The following PDE4B variants were observed in gnomAD, a reference collection of about 807,000 sequenced individuals.
PDE4B encodes 3',5'-cyclic-AMP phosphodiesterase 4B.
Under a neutral mutation model 82.2 loss-of-function variants are expected in PDE4B, and 20 were observed. The ratio of observed to expected loss-of-function variants is 0.24; its 90% CI spans 0.17 to 0.35. PDE4B has a LOEUF of 0.35. Among genes scored for constraint, PDE4B ranks in the 10% least tolerant of loss-of-function variants. The probability of loss-of-function intolerance (pLI) is 1.00; values close to 1 mark genes in which losing one functional copy is unlikely to be tolerated. For missense variants in PDE4B, 655 were observed against 907.2 expected, an observed-to-expected ratio of 0.72 and a Z score of 3.57; for synonymous variants, 320 against 318.9, an observed-to-expected ratio of 1.00 and a Z score of -0.04.
intron 3 of PDE4B, among the ~76,000 whole-genome samples, chr1:66,083,684 T>A (rs1038132101): frequency 7.2e-5 from 11 of 152,158 alleles, no homozygotes; most frequent in Admixed American, 6.6e-4. Context: ...CCTCATTCTA[T>A]CAATACAAAA....
chr1:65,985,199 A>G (rs937510518), intron 3 of PDE4B, among the ~76,000 whole-genome samples: 3 of 152,176 alleles, frequency 2.0e-5, no homozygotes, highest in African/African-American at 7.2e-5. Context: ...TAGTAGTAAA[A>G]TATTAATTTA....
At chr1:66,021,814 T>C (rs555736985) in intron 3 of PDE4B, among the ~76,000 whole-genome samples, 1 of 152,342 alleles carries the variant, frequency 6.6e-6, no homozygotes, top group Admixed American at 6.5e-5. Context: ...TGGTTCCATA[T>C]GAACTTTAAA....
intron 7 of PDE4B, among the ~76,000 whole-genome samples, chr1:66,296,024 T>G (rs1657485816): frequency 6.6e-6 from 1 of 152,060 alleles, no homozygotes; most frequent in Non-Finnish European, 1.5e-5. Context: ...CAATTCCCCT[T>G]TGTTCATCAG....
At chr1:65,936,725 C>T (rs1034358490) in intron 3 of PDE4B, among the ~76,000 whole-genome samples, 3 of 152,126 alleles carry the variant, frequency 2.0e-5, no homozygotes, top group East Asian at 3.9e-4. Context: ...TGGGAACTAT[C>T]GGCCTAGATT....
chr1:66,335,990 A>G (rs1019348614), intron 8 of PDE4B, among the ~76,000 whole-genome samples: 2 of 152,262 alleles, frequency 1.3e-5, no homozygotes, highest in Non-Finnish European at 2.9e-5. Flanking sequence ...TTTTGAAAAC[A>G]GGATGCTTTG....
At chr1:66,180,824 TGAGA>T (rs148176576) in intron 3 of PDE4B, among the ~76,000 whole-genome samples, 1 of 150,698 alleles carries the variant, frequency 6.6e-6, no homozygotes, top group Non-Finnish European at 1.5e-5. Context: ...CTCTGTGGAC[TGAGA>T]GAGAGAGAGA....
At chr1:65,918,027 T>C (rs1647182523) in intron 2 of PDE4B, among the ~76,000 whole-genome samples, 1 of 151,940 alleles carries the variant, frequency 6.6e-6, no homozygotes. Flanking sequence ...AGCCGGGCGT[T>C]GTGGTGTGTG....
intron 1 of PDE4B, among the ~76,000 whole-genome samples, chr1:65,901,115 T>A (rs776058073): frequency 4.6e-5 from 7 of 152,110 alleles, no homozygotes; most frequent in Non-Finnish European, 8.8e-5. Context: ...CTTATTATTT[T>A]GAGGGTATGT....
intron 3 of PDE4B, among the ~76,000 whole-genome samples, chr1:66,226,988 G>T (rs1203732657): frequency 6.6e-6 from 1 of 152,198 alleles, no homozygotes; most frequent in Non-Finnish European, 1.5e-5. Context: ...AACAGGACTT[G>T]CTGATGTATT....
rs749465356 is a variant in PDE4B, at chr1:66,372,681, C to A, written c.*3C>A. 1 of 1,607,204 alleles carries A rather than the reference C, an allele frequency of 6.2e-7. No individual in the cohort carries two copies. Among genetic ancestry groups the A allele is most frequent in the African/African-American group, 1.3e-5 (1 of 74,702 alleles). On this transcript the variant is annotated 3_prime_UTR_variant, in exon 17 of 17. Transcript: ENST00000341517. Reference sequence around the variant, plus strand: ...ACAAGTCCCCCGTGGATACATAATCCCCCTCTCCCTGTGGAGATGAACATT... The same window carrying A: ...ACAAGTCCCCCGTGGATACATAATCACCCTCTCCCTGTGGAGATGAACATT...
chr1:66,312,991 G>A (rs1658773698), intron 7 of PDE4B, among the ~76,000 whole-genome samples: 2 of 152,188 alleles, frequency 1.3e-5, no homozygotes, highest in African/African-American at 4.8e-5. Flanking sequence ...TCTGCTTCAT[G>A]TTTTAATTAC....
At chr1:65,936,226 C>T (rs1648129050) in intron 3 of PDE4B, among the ~76,000 whole-genome samples, 1 of 152,050 alleles carries the variant, frequency 6.6e-6, no homozygotes, top group Non-Finnish European at 1.5e-5. Context: ...ACAATGCCTT[C>T]TTCTGGAATA....
At position 66,017,162 on chromosome 1, in the gene PDE4B, T is replaced by C. The variant is rs185441345; in HGVS notation, c.281+98327T>C. On this transcript the variant is annotated intron_variant, in intron 3 of 16. Coordinates refer to ENST00000341517, the MANE Select transcript of PDE4B (RefSeq NM_002600.4). ...TGATGTCTTCTTTCAGACTGTTGAA[T>C]ATTAGAGCAAACATTTGAGAGCAGA... Among the ~76,000 whole-genome samples the C allele has an allele frequency of 1.7e-3, 253 of 152,356 alleles. 2 individuals are homozygous for C. The highest frequency in any genetic ancestry group is 3.0e-3 in the Non-Finnish European group (201 of 68,040).
At chr1:65,976,769 T>A (rs1040569082) in intron 3 of PDE4B, among the ~76,000 whole-genome samples, 10 of 152,200 alleles carry the variant, frequency 6.6e-5, no homozygotes, top group Admixed American at 6.5e-4. Context: ...AAGACGTGCT[T>A]GCTTCCCATT....
In PDE4B at chr1:66,019,260, C is replaced by G. The variant is rs191301503; in HGVS notation, c.281+100425C>G. 5.0e-4 allele frequency among the ~76,000 whole-genome samples: 76 copies of G among 151,610 alleles called. 4 individuals carry two copies. Among genetic ancestry groups the G allele is most frequent in the African/African-American group, 1.8e-3 (74 of 41,354 alleles). On this transcript the variant is annotated intron_variant, in intron 3 of 16. Transcript: ENST00000341517. ...TTTATTTAAAAAGCAATTTTTAGAA[C>G]AAGTCGATAGTTCACATAGAGCTAT...
At position 65,803,393 on chromosome 1, in the gene PDE4B, A is replaced by C. The variant is rs1570950855; in HGVS notation, c.-71+10145A>C. The stretch of plus-strand genomic sequence containing the variant: ...AAATAGTATTATTAATGTGTAAAGA[A>C]GATGATGGGTGATCATTTCCAAAAG... On this transcript the variant is annotated intron_variant, in intron 1 of 16. Transcript: ENST00000341517. Among the ~76,000 whole-genome samples the C allele has an allele frequency of 2.6e-5, 4 of 152,350 alleles. No homozygotes were observed. In the South Asian group the frequency reaches 8.3e-4, roughly 32 times the overall value.
In PDE4B at chr1:66,042,965, G is replaced by A. The variant is rs186231918; in HGVS notation, c.281+124130G>A. ...TTTGCAGTGCAGTCTATTATGTTAA[G>A]TAGTTTCTTACCGTATGAAATTCAT... On this transcript the variant is annotated intron_variant, in intron 3 of 16. Coordinates refer to ENST00000341517, the MANE Select transcript of PDE4B (RefSeq NM_002600.4). 4.5e-4 allele frequency among the ~76,000 whole-genome samples: 69 copies of A among 151,790 alleles called. 1 individual carries two copies. Among genetic ancestry groups the A allele is most frequent in the Admixed American group, 2.4e-3 (36 of 15,198 alleles).
intron 3 of PDE4B, among the ~76,000 whole-genome samples, chr1:65,919,604 T>C (rs1052843952): frequency 6.6e-6 from 1 of 152,262 alleles, no homozygotes; most frequent in African/African-American, 2.4e-5. Context: ...TTCTCTGATA[T>C]GATTTTAAAT....
At chr1:66,312,912 C>A (rs1159657813) in intron 7 of PDE4B, among the ~76,000 whole-genome samples, 2 of 152,228 alleles carry the variant, frequency 1.3e-5, no homozygotes, top group East Asian at 3.8e-4. Flanking sequence ...TACCTCTGCT[C>A]TGTAGCACTT....
Sources: gnomAD v4.1 joint callset for allele counts (sites outside exome capture counted in the v4.1 genomes callset) on GRCh38, gnomAD v4.1.1 for gene constraint, MANE v1.5 for transcripts, NCBI Gene and HGNC (gene_info 2026-07-23, HGNC 2026-07-21) for gene names.